Variants in TOP6BL observed in about 807,000 individuals in gnomAD.
The protein encoded by TOP6BL is TOP6B like initiator of meiotic double strand breaks.
At chr11:66,754,028 A>G in the TOP6BL span, among the ~76,000 whole-genome samples, 1 of 152,210 alleles carries the variant, frequency 6.6e-6, no homozygotes, top group Non-Finnish European at 1.5e-5. Flanking sequence ...TCTTATTGCC[A>G]CAGCCCTGCA....
the TOP6BL span, chr11:66,756,585 C>T: frequency 8.6e-5 from 84 of 979,804 alleles, no homozygotes; most frequent in African/African-American, 3.3e-4. Context: ...TATATAAAAA[C>T]GATAAAATTC....
the TOP6BL span, among the ~76,000 whole-genome samples, chr11:66,747,855 A>T: frequency 2.6e-5 from 4 of 152,022 alleles, no homozygotes; most frequent in African/African-American, 9.7e-5. Flanking sequence ...GTTGAGCTCA[A>T]GTGATCCTCT....
chr11:66,748,730 A>G, the TOP6BL span, among the ~76,000 whole-genome samples: 1 of 152,090 alleles, frequency 6.6e-6, no homozygotes, highest in Non-Finnish European at 1.5e-5. Flanking sequence ...ACCATAGATT[A>G]TTTATTTTAC....
At chr11:66,829,097 T>C in the TOP6BL span, among the ~76,000 whole-genome samples, 7 of 142,688 alleles carry the variant, frequency 4.9e-5, no homozygotes, top group African/African-American at 7.9e-5. Flanking sequence ...AAAAAAAAAT[T>C]AGCTGAGGCC....
chr11:66,833,583 A>G, the TOP6BL span, among the ~76,000 whole-genome samples: 2 of 152,120 alleles, frequency 1.3e-5, no homozygotes, highest in Non-Finnish European at 2.9e-5. Context: ...GGGACTCCTC[A>G]GGATCTAGGA....
the TOP6BL span, among the ~76,000 whole-genome samples, chr11:66,780,335 T>C: frequency 2.0e-5 from 3 of 152,302 alleles, no homozygotes; most frequent in East Asian, 5.8e-4. Context: ...TATTCACTTA[T>C]TTATGATTTC....
chr11:66,835,968 G>A, the TOP6BL span, among the ~76,000 whole-genome samples: 1 of 152,064 alleles, frequency 6.6e-6, no homozygotes, highest in Admixed American at 6.5e-5. Context: ...AAGAACTTTC[G>A]AGCTGATTTC....
At chr11:66,779,445 A>G in the TOP6BL span, among the ~76,000 whole-genome samples, 2 of 152,220 alleles carry the variant, frequency 1.3e-5, no homozygotes, top group African/African-American at 4.8e-5. Context: ...AGAAATGCAA[A>G]TCAAAACCAC....
chr11:66,839,184 T>G, the TOP6BL span: 1 of 456,196 alleles, frequency 2.2e-6, no homozygotes, highest in Non-Finnish European at 4.4e-6. Flanking sequence ...AGCTCTCACA[T>G]TCAGTCACTA....
the TOP6BL span, chr11:66,842,777 C>T: frequency 1.4e-6 from 2 of 1,414,606 alleles, no homozygotes; most frequent in Non-Finnish European, 1.9e-6. Flanking sequence ...TTCTCCCAGG[C>T]TTCCCCTTGG....
the TOP6BL span, chr11:66,821,824 T>C: frequency 6.3e-7 from 1 of 1,585,006 alleles, no homozygotes; most frequent in Admixed American, 1.7e-5. Context: ...AGCAAGCATA[T>C]ATGGCAGGCA....
the TOP6BL span, chr11:66,839,342 A>G: frequency 2.6e-6 from 1 of 380,152 alleles, no homozygotes; most frequent in Non-Finnish European, 5.3e-6. Flanking sequence ...AACTTACCCA[A>G]GGCTACACAG....
chr11:66,833,515 GGACAGGTT>G, the TOP6BL span, among the ~76,000 whole-genome samples: 13 of 152,100 alleles, frequency 8.5e-5, no homozygotes. Context: ...AGCTTTCTAG[GGACAGGTT>G]CAGGGTAAGG....
the TOP6BL span, among the ~76,000 whole-genome samples, chr11:66,755,211 C>G: frequency 6.6e-6 from 1 of 151,882 alleles, no homozygotes; most frequent in Non-Finnish European, 1.5e-5. Flanking sequence ...ACCTCCGCCT[C>G]CTGGGTTCAA....
the TOP6BL span, among the ~76,000 whole-genome samples, chr11:66,827,697 GCTTACAC>G: frequency 6.6e-6 from 1 of 152,004 alleles, no homozygotes; most frequent in Non-Finnish European, 1.5e-5. Context: ...AGGCGCAGTG[GCTTACAC>G]CTGTAATCCT....
At chr11:66,804,344 AT>A in the TOP6BL span, 1 of 770,926 alleles carries the variant, frequency 1.3e-6, no homozygotes, top group South Asian at 2.4e-5. Context: ...AAGCTTGAAA[AT>A]TTTGCCAGGG....
the TOP6BL span, among the ~76,000 whole-genome samples, chr11:66,771,067 G>A: frequency 6.6e-6 from 1 of 151,188 alleles, no homozygotes; most frequent in Non-Finnish European, 1.5e-5. Flanking sequence ...TTCTCATAGT[G>A]TATATTTCAA....
chr11:66,807,992 G>T, the TOP6BL span, among the ~76,000 whole-genome samples: 3 of 152,204 alleles, frequency 2.0e-5, no homozygotes, highest in African/African-American at 7.2e-5. Flanking sequence ...TTTTAGATTT[G>T]TTAGTTCTAG....
the TOP6BL span, among the ~76,000 whole-genome samples, chr11:66,772,947 A>C: frequency 6.6e-6 from 1 of 152,176 alleles, no homozygotes; most frequent in Non-Finnish European, 1.5e-5. Flanking sequence ...TCTTCCTTAA[A>C]TATTTGGTAC....
Sources: gnomAD v4.1 joint callset for allele counts (sites outside exome capture counted in the v4.1 genomes callset) on GRCh38, gnomAD v4.1.1 for gene constraint, MANE v1.5 for transcripts, NCBI Gene and HGNC (gene_info 2026-07-23, HGNC 2026-07-21) for gene names.